Variants in KCTD1 observed in about 807,000 individuals in gnomAD.
KCTD1 encodes BTB/POZ domain-containing protein KCTD1.
KCTD1 carries 24 observed loss-of-function variants against 66.0 expected under a neutral mutation model. That is an observed-to-expected ratio of 0.36 (90% CI 0.26 to 0.51). The LOEUF is 0.51. KCTD1 is among the 20% of genes least tolerant of loss of function. KCTD1 has a pLI of 0.95. For synonymous variants in KCTD1, 511 were observed against 517.2 expected (o/e 0.99, Z 0.16); for missense variants, 943 against 1,205.2 (o/e 0.78, Z 3.22).
chr18:26,574,423 T>C (rs2144904507), intron 1 of KCTD1, among the ~76,000 whole-genome samples: 1 of 152,204 alleles, frequency 6.6e-6, no homozygotes, highest in East Asian at 1.9e-4. Context: ...GGTTCCCAGT[T>C]AACACAGACT....
Position 26,548,146 on chromosome 18 carries a change from G to C in KCTD1, c.391C>G (p.Leu131Val). The change falls in exon 1 of 5, where the codon CTG (leucine) becomes GTG (valine). Residue 131 changes from leucine (L) to valine (V), a missense_variant. Leu to Val is a conservative substitution (Grantham distance 32). Transcript: ENST00000580059. Reference sequence around the variant, plus strand: ...AGTCGCGGCGGCGCCTCGGGCTCCAGCGCGGCGCTCTGGTCCATATTGATC... The same window carrying C: ...AGTCGCGGCGGCGCCTCGGGCTCCACCGCGGCGCTCTGGTCCATATTGATC... ...HMINMDQSAA[L>V]EPEAPPRLLA... 1.5e-6 allele frequency: 2 copies of C among 1,351,406 alleles called. No individual in the cohort carries two copies. The highest frequency in any genetic ancestry group is 1.9e-6 in the Non-Finnish European group (2 of 1,057,748). The allele number at this position is 1,351,406 out of a possible 1,614,324, so 83.7% of individuals were successfully genotyped here. A position where few individuals can be genotyped will look rare whatever the true frequency, so the allele number is the denominator to read the frequency against.
rs770767467 is a variant in KCTD1 at position 26,547,174 on chromosome 18, C to T, written c.1363G>A (p.Ala455Thr). The T allele has an allele frequency of 6.4e-7, 1 of 1,551,136 alleles. No homozygotes were observed. The highest frequency in any genetic ancestry group is 1.2e-5 in the South Asian group (1 of 84,060). Residue 455 changes from alanine to threonine, a missense_variant, in exon 1 of 5, where the codon GCC (alanine) becomes ACC (threonine). Physicochemically the swap from Ala to Thr is moderately conservative, Grantham distance 58. Coordinates refer to ENST00000580059, the MANE Select transcript of KCTD1 (RefSeq NM_001142730.3). ...SKTYTNHCIG[A>T]VSIATLNSIA... Reference sequence around the variant, plus strand: ...CTGTTGAGCGTGGCGATGGAGACGGCGCCGATGCAGTGGTTGGTGTAGGTC... The same window carrying T: ...CTGTTGAGCGTGGCGATGGAGACGGTGCCGATGCAGTGGTTGGTGTAGGTC...
intron 1 of KCTD1, among the ~76,000 whole-genome samples, chr18:26,621,477 C>T (rs1252191873): frequency 6.6e-6 from 1 of 152,036 alleles, no homozygotes; most frequent in African/African-American, 2.4e-5. Context: ...AGAGCTGAGT[C>T]TGCAATCTGG....
At position 26,583,445 on chromosome 18, in the gene KCTD1, A is replaced by T. The variant is rs1446397918; in HGVS notation, c.-16+45702T>A. 2.6e-5 allele frequency among the ~76,000 whole-genome samples: 4 copies of T among 151,254 alleles called. No individual in the cohort carries two copies. The East Asian group carries it at 7.7e-4, about 29-fold the overall frequency. ...AAAAGAAAAGAAAAGAGTAAAAGTGAGCATGAGCTTTTATTCAGAGATGTG... is the reference window on the plus strand; with the variant it reads ...AAAAGAAAAGAAAAGAGTAAAAGTGTGCATGAGCTTTTATTCAGAGATGTG... On this transcript the variant is annotated intron_variant, in intron 1 of 4. Coordinates refer to the KCTD1 transcript ENST00000317932.
At chr18:26,536,692 A>G (rs1005060661) in intron 1 of KCTD1, among the ~76,000 whole-genome samples, 1 of 152,144 alleles carries the variant, frequency 6.6e-6, no homozygotes, top group African/African-American at 2.4e-5. Flanking sequence ...CTTCTCTTAA[A>G]TATTTCTAAG....
At chr18:26,622,400 C>T (rs1209981689) in intron 1 of KCTD1, among the ~76,000 whole-genome samples, 7 of 152,172 alleles carry the variant, frequency 4.6e-5, no homozygotes, top group African/African-American at 1.7e-4. Context: ...ACTTGCTCCA[C>T]ATCAAAGTCA....
At chr18:26,582,603 T>G (rs1391317364) in intron 1 of KCTD1, among the ~76,000 whole-genome samples, 1 of 152,236 alleles carries the variant, frequency 6.6e-6, no homozygotes, top group Non-Finnish European at 1.5e-5. Flanking sequence ...GGTTATTTAT[T>G]GAGACATTGC....
chr18:26,651,794 A>AG, intron 1 of KCTD1, among the ~76,000 whole-genome samples: 2 of 141,714 alleles, frequency 1.4e-5, no homozygotes, highest in African/African-American at 5.7e-5. Context: ...AAAAAAAAAA[A>AG]AAAAAAAGAA....
intron 1 of KCTD1, among the ~76,000 whole-genome samples, chr18:26,570,191 A>AAAAAAAAATATATATATATAT (rs776923644): frequency 7.5e-6 from 1 of 132,544 alleles, no homozygotes; most frequent in Non-Finnish European, 1.6e-5. Context: ...ATCTAAAAAA[A>AAAAAAAAATATATATATATAT]ATATATATAT....
chr18:26,489,297 T>C (rs1470183805), intron 2 of KCTD1, among the ~76,000 whole-genome samples: 1 of 152,248 alleles, frequency 6.6e-6, no homozygotes, highest in African/African-American at 2.4e-5. Context: ...CTGAACTGTC[T>C]GGTGATGCGG....
intron 1 of KCTD1, among the ~76,000 whole-genome samples, chr18:26,512,553 A>G (rs1983390837): frequency 6.6e-6 from 1 of 152,150 alleles, no homozygotes; most frequent in African/African-American, 2.4e-5. Flanking sequence ...TTATTTAGAA[A>G]ATGTTGGCTG....
chr18:26,574,717 G>A lies in KCTD1; in HGVS notation c.-16+54430C>T, dbSNP rs528566512. Among the ~76,000 whole-genome samples, 27 of 152,082 alleles carry A rather than the reference G, an allele frequency of 1.8e-4. No individual in the cohort carries two copies. The East Asian group carries it at 2.3e-3, about 13-fold the overall frequency. On this transcript the variant is annotated intron_variant, in intron 1 of 4. Transcript: ENST00000317932. ...ATTGATAAAGAGAAATGTGAGTTGC[G>A]GTGAAGATCAAAACTTTTGCACAGA...
At chr18:26,622,751 G>A (rs983716652) in intron 1 of KCTD1, among the ~76,000 whole-genome samples, 5 of 152,122 alleles carry the variant, frequency 3.3e-5, no homozygotes, top group African/African-American at 1.2e-4. Flanking sequence ...ATGGGTAGGG[G>A]TGGAGAGGGT....
chr18:26,548,735 G>A (rs945950321), upstream of KCTD1: 16 of 997,352 alleles, frequency 1.6e-5, no homozygotes, highest in Admixed American at 2.9e-4. Flanking sequence ...GGGGGGAGGG[G>A]GGGACAAGTT....
intron 1 of KCTD1, chr18:26,581,292 G>A (rs1031392576): frequency 6.6e-6 from 1 of 152,132 alleles, no homozygotes; most frequent in Non-Finnish European, 1.5e-5. Context: ...CTGTTTCCCA[G>A]GCTATAGTGC....
intron 1 of KCTD1, among the ~76,000 whole-genome samples, chr18:26,572,696 T>C (rs933340846): frequency 2.0e-5 from 3 of 152,184 alleles, no homozygotes; most frequent in African/African-American, 7.2e-5. Flanking sequence ...TGCCAAACAT[T>C]CCAACAATTA....
At chr18:26,532,261 C>CTTTTTTTTTTTTTTTTTTTTTTTTTTT (rs533359603) in intron 1 of KCTD1, among the ~76,000 whole-genome samples, 2 of 29,556 alleles carry the variant, frequency 6.8e-5, no homozygotes, top group Non-Finnish European at 1.1e-4. Flanking sequence ...TTCTTTCCTT[C>CTTTTTTTTTTTTTTTTTTTTTTTTTTT]TTTTTTTTTT....
chr18:26,653,667 C>G (rs1988076874), intron 1 of KCTD1, among the ~76,000 whole-genome samples: 1 of 152,190 alleles, frequency 6.6e-6, no homozygotes, highest in Non-Finnish European at 1.5e-5. Flanking sequence ...ATGAATGGAC[C>G]TAATGAACAC....
At chr18:26,575,362 A>C (rs1209557077) in intron 1 of KCTD1, 1 of 152,202 alleles carries the variant, frequency 6.6e-6, no homozygotes, top group Non-Finnish European at 1.5e-5. Flanking sequence ...GTTCCTGGGA[A>C]ACCACATGCA....
Sources: allele counts gnomAD v4.1 joint callset (sites outside exome capture counted in the v4.1 genomes callset), GRCh38; gene constraint gnomAD v4.1.1; transcripts MANE v1.5; gene names NCBI Gene and HGNC (gene_info 2026-07-23, HGNC 2026-07-21).